Variants in LEKR1 observed in about 807,000 individuals in gnomAD.
LEKR1 encodes the protein leucine, glutamate and lysine rich 1, also known as protein LEKR1.
A neutral mutation model predicts 72.4 loss-of-function variants in LEKR1; 59 were observed. That is an observed-to-expected ratio of 0.82 (90% CI 0.66 to 1.01). The LOEUF is 1.01. LEKR1 is among the 50% of genes least tolerant of loss of function. LEKR1 has a pLI of 0.00. For synonymous variants in LEKR1, 257 were observed against 263.2 expected (o/e 0.98, Z 0.23); for missense variants, 728 against 759.2 (o/e 0.96, Z 0.48).
In LEKR1 at chr3:157,001,466, G is replaced by T. The variant is rs62639691; in HGVS notation, c.1109+8189G>T. 4.2e-3 allele frequency among the ~76,000 whole-genome samples: 640 copies of T among 152,248 alleles called. 10 individuals carry two copies. Among genetic ancestry groups the T allele is most frequent in the African/African-American group, 0.015 (619 of 41,542 alleles). On this transcript the variant is annotated intron_variant, in intron 9 of 12. Transcript: ENST00000356539. ...ATTTTGGCATTATGGTTTGACATTTGTTTGCAGTTATGTTTTTAACTGCAA... is the reference window on the plus strand; with the variant it reads ...ATTTTGGCATTATGGTTTGACATTTTTTTGCAGTTATGTTTTTAACTGCAA...
At chr3:156,898,793 C>A (rs2108561214) in intron 3 of LEKR1, among the ~76,000 whole-genome samples, 1 of 152,216 alleles carries the variant, frequency 6.6e-6, no homozygotes, top group South Asian at 2.1e-4. Flanking sequence ...GTTAGTAAAG[C>A]ATTTGCTATG....
chr3:156,933,053 CAAA>C (rs1725391494), intron 5 of LEKR1, among the ~76,000 whole-genome samples: 6 of 151,852 alleles, frequency 4.0e-5, no homozygotes, highest in Admixed American at 1.3e-4. Flanking sequence ...AACAAACAAA[CAAA>C]AATGGAGCAG....
chr3:156,960,916 C>T (rs972505881), intron 6 of LEKR1, among the ~76,000 whole-genome samples: 1 of 152,134 alleles, frequency 6.6e-6, no homozygotes, highest in African/African-American at 2.4e-5. Flanking sequence ...TAATAACTTC[C>T]AAAATGCACA....
intron 3 of LEKR1, among the ~76,000 whole-genome samples, chr3:156,888,922 G>A (rs1388306594): frequency 1.3e-5 from 2 of 152,052 alleles, no homozygotes; most frequent in African/African-American, 4.8e-5. Context: ...AACCTGTTTT[G>A]TAGCTCTTAT....
intron 10 of LEKR1, among the ~76,000 whole-genome samples, chr3:157,019,191 G>T (rs962290581): frequency 5.9e-5 from 9 of 151,968 alleles, no homozygotes; most frequent in Admixed American, 1.3e-4. Context: ...AATTCCCATT[G>T]GTTTTAAAGG....
chr3:156,843,997 T>C (rs1714261000), intron 2 of LEKR1, among the ~76,000 whole-genome samples: 1 of 152,154 alleles, frequency 6.6e-6, no homozygotes, highest in African/African-American at 2.4e-5. Flanking sequence ...CTTCAAAATA[T>C]TATTATGAAT....
At chr3:156,949,620 T>C (rs892986882) in intron 6 of LEKR1, among the ~76,000 whole-genome samples, 1 of 151,296 alleles carries the variant, frequency 6.6e-6, no homozygotes, top group Non-Finnish European at 1.5e-5. Context: ...TTAGTTTCTT[T>C]ATTTACAAAA....
chr3:156,884,336 T>G (rs987348613), intron 3 of LEKR1, among the ~76,000 whole-genome samples: 7 of 151,072 alleles, frequency 4.6e-5, no homozygotes, highest in Non-Finnish European at 7.4e-5. Flanking sequence ...TTAATACCTG[T>G]TTTTTTTTCC....
intron 7 of LEKR1, among the ~76,000 whole-genome samples, chr3:156,982,906 GA>G (rs1730353476): frequency 7.1e-6 from 1 of 140,686 alleles, no homozygotes; most frequent in African/African-American, 2.5e-5. Context: ...TAGATAGATA[GA>G]TGGAAGAGCT....
chr3:156,945,216 C>T (rs868121704), intron 6 of LEKR1, among the ~76,000 whole-genome samples: 1 of 151,934 alleles, frequency 6.6e-6, no homozygotes, highest in Middle Eastern at 3.4e-3. Flanking sequence ...TGTTTGTCTG[C>T]TTTTGAGAAA....
chr3:157,022,414 A>G (rs1733907295), intron 10 of LEKR1, among the ~76,000 whole-genome samples: 1 of 152,220 alleles, frequency 6.6e-6, no homozygotes, highest in Non-Finnish European at 1.5e-5. Flanking sequence ...GATGGTGGCC[A>G]GAACTAGGTG....
chr3:157,046,079 CG>C lies in LEKR1; in HGVS notation c.*330del. The C allele has an allele frequency of 4.5e-6, 1 of 223,840 alleles. No homozygotes were observed. The highest frequency in any genetic ancestry group is 8.8e-6 in the Non-Finnish European group (1 of 114,046). 13.9% of individuals were successfully genotyped at this position (223,840 alleles called of 1,614,324 possible). A position where few individuals can be genotyped will look rare whatever the true frequency, so the allele number is the denominator to read the frequency against. On this transcript the variant is annotated 3_prime_UTR_variant, in exon 13 of 13. Coordinates refer to ENST00000356539, the MANE Select transcript of LEKR1 (RefSeq NM_001004316.3). ...CCCATAACATCTTTTCAATTTCTTG[CG>C]CCACTACAAGCAGATATATTTCCAC...
intron 9 of LEKR1, among the ~76,000 whole-genome samples, chr3:157,009,820 G>A (rs1398587883): frequency 1.3e-5 from 2 of 151,880 alleles, no homozygotes; most frequent in Admixed American, 1.3e-4. Context: ...TATATTTTGA[G>A]GCTATTTTAA....
At chr3:156,914,679 A>C (rs1723430130) in intron 3 of LEKR1, among the ~76,000 whole-genome samples, 1 of 151,904 alleles carries the variant, frequency 6.6e-6, no homozygotes, top group South Asian at 2.1e-4. Context: ...TTAGTTATTA[A>C]ATTTCTTGCT....
intron 5 of LEKR1, among the ~76,000 whole-genome samples, chr3:156,934,299 G>A (rs1725505542): frequency 6.6e-6 from 1 of 152,132 alleles, no homozygotes; most frequent in Non-Finnish European, 1.5e-5. Context: ...CACATAGTAG[G>A]TGCTCAGTGA....
intron 3 of LEKR1, among the ~76,000 whole-genome samples, chr3:156,899,615 C>CATGT: frequency 1.2e-5 from 1 of 85,492 alleles, no homozygotes; most frequent in South Asian, 3.6e-4. Flanking sequence ...TATATACACA[C>CATGT]ATATATACAC....
At chr3:157,023,454 T>C (rs1004565606) in intron 10 of LEKR1, among the ~76,000 whole-genome samples, 10 of 151,868 alleles carry the variant, frequency 6.6e-5, no homozygotes, top group Non-Finnish European at 1.2e-4. Flanking sequence ...GGGGAAGGAG[T>C]GAGTTATGGT....
chr3:156,940,570 A>G (rs1371460657), intron 5 of LEKR1, among the ~76,000 whole-genome samples: 2 of 152,198 alleles, frequency 1.3e-5, no homozygotes, highest in Non-Finnish European at 2.9e-5. Flanking sequence ...TGAATCTTTG[A>G]CCCAGGATTG....
At chr3:156,831,379 C>G (rs907692426) in intron 2 of LEKR1, among the ~76,000 whole-genome samples, 1 of 152,182 alleles carries the variant, frequency 6.6e-6, no homozygotes, top group Non-Finnish European at 1.5e-5. Flanking sequence ...CTCTAATTCT[C>G]TTAACCTTTT....
Sources: gnomAD v4.1 joint callset for allele counts (sites outside exome capture counted in the v4.1 genomes callset) on GRCh38, gnomAD v4.1.1 for gene constraint, MANE v1.5 for transcripts, NCBI Gene and HGNC (gene_info 2026-07-23, HGNC 2026-07-21) for gene names.